AGBL2: variants seen among roughly 807,000 people sequenced by gnomAD.
AGBL2 encodes the protein cytosolic carboxypeptidase 2.
AGBL2 carries 87 observed loss-of-function variants against 103.0 expected under a neutral mutation model. That is an observed-to-expected ratio of 0.84 (90% confidence interval 0.71 to 1.01). AGBL2 has a LOEUF of 1.01. Ranked by LOEUF, AGBL2 falls within the 50% of genes least tolerant of loss-of-function variation. The pLI is 0.00. For synonymous variants in AGBL2, 335 were observed against 356.7 expected, an observed-to-expected ratio of 0.94 and a Z score of 0.69; for missense variants, 904 against 1,023.5, an observed-to-expected ratio of 0.88 and a Z score of 1.59.
intron 9 of AGBL2, among the ~76,000 whole-genome samples, chr11:47,691,078 A>G (rs2097443322): frequency 7.2e-6 from 1 of 138,188 alleles, no homozygotes; most frequent in Non-Finnish European, 1.5e-5. Context: ...ACATGGTGAA[A>G]CCCCATCTCT....
intron 8 of AGBL2, 148 bp from the exon 9 acceptor site, chr11:47,692,404 CTTTTTT>C (rs11286504): frequency 2.2e-3 from 221 of 98,960 alleles, no homozygotes; most frequent in South Asian, 6.3e-3. Context: ...GACTTTTAAT[CTTTTTT>C]TTTTTTTTTT....
chr11:47,713,875 C>T (rs1243639333), intron 3 of AGBL2, among the ~76,000 whole-genome samples: 2 of 152,044 alleles, frequency 1.3e-5, no homozygotes, highest in African/African-American at 4.8e-5. Flanking sequence ...AGGTGTGAGC[C>T]ACCGTGCCCG....
intron 18 of AGBL2, 89 bp from the exon 19 acceptor site, chr11:47,660,435 G>A: frequency 1.7e-6 from 2 of 1,211,726 alleles, no homozygotes; most frequent in South Asian, 3.0e-5. Context: ...TTTACAAGGA[G>A]CTGGTGAGAA....
At chr11:47,666,429 GC>G (rs1484324236) in intron 17 of AGBL2, among the ~76,000 whole-genome samples, 1 of 151,058 alleles carries the variant, frequency 6.6e-6, no homozygotes, top group Non-Finnish European at 1.5e-5. Flanking sequence ...AGATTTTATA[GC>G]CATAAAACTA....
chr11:47,664,256 T>C (rs2097335283), intron 17 of AGBL2, among the ~76,000 whole-genome samples: 1 of 152,098 alleles, frequency 6.6e-6, no homozygotes, highest in African/African-American at 2.4e-5. Context: ...ACTGTTTTTT[T>C]ATTTTTTTGG....
chr11:47,660,953 A>C (rs2097326403), intron 18 of AGBL2, among the ~76,000 whole-genome samples: 1 of 152,218 alleles, frequency 6.6e-6, no homozygotes, highest in South Asian at 2.1e-4. Context: ...CAATCTGTCA[A>C]GGTGGCAGAT....
At chr11:47,705,178 A>C (rs2097513189) in intron 6 of AGBL2, 1 of 152,880 alleles carries the variant, frequency 6.5e-6, no homozygotes, top group Non-Finnish European at 1.5e-5. Context: ...ATAATCTATA[A>C]ATAAAATTTC....
intron 15 of AGBL2, among the ~76,000 whole-genome samples, chr11:47,667,975 G>A (rs1195549506): frequency 2.0e-5 from 3 of 152,160 alleles, no homozygotes; most frequent in Non-Finnish European, 2.9e-5. Context: ...TGGGGAGGCT[G>A]AAGCGGGTGG....
At chr11:47,683,136 C>T (rs1440894899) in intron 11 of AGBL2, among the ~76,000 whole-genome samples, 3 of 151,886 alleles carry the variant, frequency 2.0e-5, no homozygotes, top group Non-Finnish European at 4.4e-5. Flanking sequence ...TTTGGGAGGC[C>T]GAGACGGCCC....
At chr11:47,711,310 C>G (rs2097535798) in intron 3 of AGBL2, among the ~76,000 whole-genome samples, 1 of 152,094 alleles carries the variant, frequency 6.6e-6, no homozygotes. Flanking sequence ...AAAATTGTCA[C>G]GACACCCAGA....
chr11:47,700,912 T>G (rs562226433), intron 7 of AGBL2, among the ~76,000 whole-genome samples: 10 of 147,476 alleles, frequency 6.8e-5, no homozygotes, highest in African/African-American at 2.5e-4. Context: ...AATACAAAAA[T>G]TAGCCGAGTT....
intron 11 of AGBL2, among the ~76,000 whole-genome samples, chr11:47,682,563 C>A (rs975708678): frequency 2.0e-5 from 3 of 152,106 alleles, no homozygotes; most frequent in African/African-American, 7.2e-5. Flanking sequence ...CAACTTGAAC[C>A]CCTAAATCTA....
intron 11 of AGBL2, among the ~76,000 whole-genome samples, chr11:47,682,363 G>A (rs1226267254): frequency 6.6e-6 from 1 of 152,140 alleles, no homozygotes; most frequent in African/African-American, 2.4e-5. Flanking sequence ...TATGAGGACT[G>A]TAATCTTCCA....
intron 7 of AGBL2, 75 bp downstream of exon 7, chr11:47,704,468 G>A: frequency 7.7e-7 from 1 of 1,294,672 alleles, no homozygotes; most frequent in Non-Finnish European, 1.1e-6. Flanking sequence ...GGGAAATAGA[G>A]TGAGACTTCG....
chr11:47,662,038 C>T (rs991970214), intron 18 of AGBL2, among the ~76,000 whole-genome samples: 52 of 151,840 alleles, frequency 3.4e-4, no homozygotes, highest in Admixed American at 1.3e-4. Context: ...CATAAGCCAC[C>T]GCGCCTGGCC....
At chr11:47,702,322 C>T (rs901811083) in intron 7 of AGBL2, among the ~76,000 whole-genome samples, 9 of 152,152 alleles carry the variant, frequency 5.9e-5, no homozygotes, top group African/African-American at 9.7e-5. Flanking sequence ...TGGATCATTT[C>T]GAACTCATCC....
At position 47,700,069 on chromosome 11, in the gene AGBL2, C is replaced by G. The variant is rs375794601; in HGVS notation, c.587-516G>C. ...GCCTCCCGGGTTCAAGCGATTCTCTCGCCTCAGCCTCCTGAGTAGCTGGGA... is the reference window on the plus strand; with the variant it reads ...GCCTCCCGGGTTCAAGCGATTCTCTGGCCTCAGCCTCCTGAGTAGCTGGGA... On this transcript the variant is annotated intron_variant, in intron 7 of 18. Transcript: ENST00000525123. Among the ~76,000 whole-genome samples, 31 of 151,936 alleles carry G rather than the reference C, an allele frequency of 2.0e-4. 1 individual carries two copies. The East Asian group carries it at 4.9e-3, about 24-fold the overall frequency.
chr11:47,691,150 G>C, intron 9 of AGBL2, among the ~76,000 whole-genome samples: 1 of 150,328 alleles, frequency 6.7e-6, no homozygotes, highest in Non-Finnish European at 1.5e-5. Flanking sequence ...TGTAATCCCA[G>C]CTACTCAGGA....
chr11:47,704,252 T>C (rs1659877230), intron 7 of AGBL2, among the ~76,000 whole-genome samples: 1 of 151,902 alleles, frequency 6.6e-6, no homozygotes, highest in Non-Finnish European at 1.5e-5. Context: ...GAGGCCAAGG[T>C]GGGCGGATCA....
Sources: gnomAD v4.1 joint callset for allele counts (sites outside exome capture counted in the v4.1 genomes callset) on GRCh38, gnomAD v4.1.1 for gene constraint, MANE v1.5 for transcripts, NCBI Gene and HGNC (gene_info 2026-07-23, HGNC 2026-07-21) for gene names.